STAMBPL1: variants seen among roughly 807,000 people sequenced by gnomAD.
STAMBPL1 encodes STAM binding protein like 1.
In STAMBPL1, 44 loss-of-function variants were observed where a neutral mutation model predicts 52.9. The ratio of observed to expected loss-of-function variants is 0.83; its 90% CI spans 0.65 to 1.07. The LOEUF (loss-of-function observed/expected upper bound fraction) is 1.07. STAMBPL1 is among the 50% of genes least tolerant of loss of function. STAMBPL1 has a pLI of 0.00. For synonymous variants in STAMBPL1, 164 were observed against 177.3 expected (o/e 0.92, Z 0.60); for missense variants, 511 against 520.8 (o/e 0.98, Z 0.18).
rs746000713 is a variant in STAMBPL1 at position 88,911,058 on chromosome 10, T to C, written c.420+47T>C. The C allele has an allele frequency of 1.5e-5, 19 of 1,260,878 alleles. No individual in the cohort carries two copies. The East Asian group carries it at 2.8e-4, about 19-fold the overall frequency. The allele number at this position is 1,260,878 out of a possible 1,614,324, so 78.1% of individuals were successfully genotyped here. On this transcript the variant is annotated intron_variant, in intron 5 of 10. Coordinates refer to ENST00000371926, the MANE Select transcript of STAMBPL1 (RefSeq NM_020799.4). Reference sequence around the variant, plus strand: ...ATTTCATGACTATTTTATGTACAAGTATTTTTTGAATTTCATTTTTATGTG... The same window carrying C: ...ATTTCATGACTATTTTATGTACAAGCATTTTTTGAATTTCATTTTTATGTG...
rs1845282750 is a variant in STAMBPL1, at chr10:88,913,474, C to T, written c.778+16C>T. The T allele has an allele frequency of 1.3e-6, 2 of 1,593,114 alleles. No homozygotes were observed. Among genetic ancestry groups the T allele is most frequent in the Non-Finnish European group, 1.7e-6 (2 of 1,166,384 alleles). ...GCTGTTCAGAGTAAGTGATGAAATG[C>T]ACCCATGTGAGACACTGAGCCTCAT... On this transcript the variant is annotated intron_variant, in intron 6 of 10. Coordinates refer to ENST00000371926, the MANE Select transcript of STAMBPL1 (RefSeq NM_020799.4).
At chr10:88,921,125 G>A (rs146790240) in intron 8 of STAMBPL1, among the ~76,000 whole-genome samples, 158 bp from the exon 9 acceptor site, 7 of 152,116 alleles carry the variant, frequency 4.6e-5, no homozygotes, top group African/African-American at 1.7e-4. Flanking sequence ...CAAATAGTTG[G>A]CATAAAGGGA....
At chr10:88,886,411 G>T (rs1844534176) in intron 1 of STAMBPL1, among the ~76,000 whole-genome samples, 1 of 152,026 alleles carries the variant, frequency 6.6e-6, no homozygotes, top group Non-Finnish European at 1.5e-5. Context: ...TTTTTTGGAA[G>T]TTACATATTA....
intron 2 of STAMBPL1, among the ~76,000 whole-genome samples, chr10:88,902,346 C>T (rs780350384): frequency 2.3e-4 from 35 of 150,346 alleles, no homozygotes; most frequent in Admixed American, 1.6e-3. Context: ...CAATTGGAAA[C>T]AATATTTTTG....
chr10:88,913,138 A>G lies in STAMBPL1; in HGVS notation c.458A>G (p.His153Arg). The G allele has an allele frequency of 6.2e-7, 1 of 1,609,874 alleles. No individual in the cohort carries two copies. The highest frequency in any genetic ancestry group is 8.5e-7 in the Non-Finnish European group (1 of 1,178,048). ...GCTGAAATTCTCAAAAAATTGGAGC[A>G]TCAGAGATTGATAGAGGCAGAAAGG... ...YKAEILKKLE[H>R]QRLIEAERKR... is the part of the protein sequence containing the mutation. The change falls in exon 6 of 11, where the codon CAT (histidine) becomes CGT (arginine). Residue 153 changes from histidine to arginine, a missense_variant. Physicochemically the swap from His to Arg is conservative, Grantham distance 29. Around this residue, in one of 3 missense-constraint regions of STAMBPL1, gnomAD observed 358 missense variants for 343.5 expected, o/e 1.04. Coordinates refer to ENST00000371926, the MANE Select transcript of STAMBPL1 (RefSeq NM_020799.4).
intron 2 of STAMBPL1, among the ~76,000 whole-genome samples, chr10:88,904,645 T>C (rs927819366): frequency 7.1e-6 from 1 of 141,718 alleles, no homozygotes; most frequent in Non-Finnish European, 1.6e-5. Flanking sequence ...AAATTTCCTT[T>C]CTGAAGCACC....
chr10:88,902,122 A>G (rs949404265), intron 2 of STAMBPL1, among the ~76,000 whole-genome samples: 3 of 152,166 alleles, frequency 2.0e-5, no homozygotes, highest in Non-Finnish European at 4.4e-5. Context: ...AAAAACATAC[A>G]TAACACCTAG....
intron 2 of STAMBPL1, among the ~76,000 whole-genome samples, chr10:88,904,697 T>C (rs1382312072): frequency 6.6e-6 from 1 of 152,254 alleles, no homozygotes; most frequent in African/African-American, 2.4e-5. Flanking sequence ...ATATGTTCTA[T>C]GCTTTACCAA....
chr10:88,916,980 A>T (rs969623151), intron 8 of STAMBPL1, among the ~76,000 whole-genome samples, 163 bp downstream of exon 8: 2 of 152,170 alleles, frequency 1.3e-5, no homozygotes, highest in African/African-American at 2.4e-5. Context: ...AGAGAAAAGA[A>T]TAACAGATAT....
At chr10:88,881,591 G>A (rs1844407177) in intron 1 of STAMBPL1, among the ~76,000 whole-genome samples, 1 of 152,206 alleles carries the variant, frequency 6.6e-6, no homozygotes, top group Non-Finnish European at 1.5e-5. Context: ...TAGGATGCTT[G>A]TTTATGGTCT....
chr10:88,908,760 A>G lies in STAMBPL1; in HGVS notation c.307A>G (p.Lys103Glu). 1 of 1,607,926 alleles carries G rather than the reference A, an allele frequency of 6.2e-7. No individual in the cohort carries two copies. Among genetic ancestry groups the G allele is most frequent in the East Asian group, 2.2e-5 (1 of 44,520 alleles). The part of the protein sequence containing the change: ...RDYQQCAVPE[K>E]QDIMKKLKEI... Reference sequence around the variant, plus strand: ...TTACCAGCAATGTGCAGTACCTGAAAAGCAGGATATTATGAAGGTATTGTG... The same window carrying G: ...TTACCAGCAATGTGCAGTACCTGAAGAGCAGGATATTATGAAGGTATTGTG... The change falls in exon 4 of 11, where the codon AAG (lysine) becomes GAG (glutamate). Residue 103 changes from lysine (K) to glutamate (E), a missense_variant. This residue lies in a region of STAMBPL1 where 358 missense variants were observed against 343.5 expected (regional missense o/e 1.04). Transcript: ENST00000371926.
At chr10:88,882,805 A>C (rs1242277039) in intron 1 of STAMBPL1, 4 of 152,206 alleles carry the variant, frequency 2.6e-5, no homozygotes, top group Admixed American at 2.6e-4. Context: ...CTTAGGGCTG[A>C]TGCATAGCAG....
chr10:88,882,519 A>G (rs1223100835), intron 1 of STAMBPL1: 1 of 152,222 alleles, frequency 6.6e-6, no homozygotes, highest in East Asian at 1.9e-4. Context: ...ATTGCATTTT[A>G]CAAGAAAAGA....
rs1237154426 is a variant in STAMBPL1 at position 88,901,682 on chromosome 10, A to C, written c.-27A>C. On this transcript the variant is annotated 5_prime_UTR_variant, in exon 2 of 11. Transcript: ENST00000371926. Reference sequence around the variant, plus strand: ...TGAAGTGATTGAGAAGAAACAGTGAACATCCTCATTTCACAGATAAGACAA... The same window carrying C: ...TGAAGTGATTGAGAAGAAACAGTGACCATCCTCATTTCACAGATAAGACAA... The C allele has an allele frequency of 6.2e-7, 1 of 1,606,690 alleles. No homozygotes were observed. Among genetic ancestry groups the C allele is most frequent in the Admixed American group, 1.7e-5 (1 of 58,502 alleles).
chr10:88,892,166 A>G (rs1460752830), intron 1 of STAMBPL1, among the ~76,000 whole-genome samples: 2 of 152,222 alleles, frequency 1.3e-5, no homozygotes, highest in African/African-American at 4.8e-5. Context: ...AAATAGGGAA[A>G]GTTCAGCTGA....
chr10:88,923,092 C>T (rs1381858181), intron 10 of STAMBPL1, 76 bp from the exon 11 acceptor site: 2 of 1,003,056 alleles, frequency 2.0e-6, no homozygotes, highest in Non-Finnish European at 3.0e-6. Flanking sequence ...ATCTATACTT[C>T]CTCCCTAAAG....
chr10:88,898,772 C>T (rs1844872097), intron 1 of STAMBPL1, among the ~76,000 whole-genome samples: 2 of 152,150 alleles, frequency 1.3e-5, no homozygotes, highest in East Asian at 1.9e-4. Context: ...TTTCTGGTCA[C>T]CCAGCCCTGA....
At chr10:88,921,526 A>G in intron 9 of STAMBPL1, 131 bp downstream of exon 9, 1 of 660,798 alleles carries the variant, frequency 1.5e-6, no homozygotes, top group Non-Finnish European at 2.7e-6. Flanking sequence ...AGAGATGGGT[A>G]GTAGTCAGCT....
intron 1 of STAMBPL1, among the ~76,000 whole-genome samples, chr10:88,897,616 A>G (rs1350193227): frequency 6.6e-6 from 1 of 152,156 alleles, no homozygotes; most frequent in Non-Finnish European, 1.5e-5. Context: ...TTTCTGATGA[A>G]TGTTTTCCAT....
Sources: allele counts gnomAD v4.1 joint callset (sites outside exome capture counted in the v4.1 genomes callset), GRCh38; gene constraint gnomAD v4.1.1; regional missense constraint gnomAD v4.1.1; transcripts MANE v1.5; gene names NCBI Gene and HGNC (gene_info 2026-07-23, HGNC 2026-07-21).